MYT1L: variants seen among roughly 807,000 people sequenced by gnomAD.
MYT1L encodes myelin transcription factor 1-like protein.
MYT1L carries 12 observed loss-of-function variants against 126.7 expected under a neutral mutation model. That is an observed-to-expected ratio of 0.09 (90% CI 0.06 to 0.15). The LOEUF (loss-of-function observed/expected upper bound fraction) is 0.15, where lower values mean the gene tolerates loss of function less well. Ranked by LOEUF, MYT1L falls within the 10% of genes least tolerant of loss-of-function variation. MYT1L has a pLI of 1.00. For synonymous variants in MYT1L, 541 were observed against 604.2 expected, an observed-to-expected ratio of 0.90 and a Z score of 1.53; for missense variants, 979 against 1,585.2, an observed-to-expected ratio of 0.62 and a Z score of 6.49.
At chr2:1,986,643 C>T (rs1185054683) in intron 5 of MYT1L, among the ~76,000 whole-genome samples, 1 of 152,100 alleles carries the variant, frequency 6.6e-6, no homozygotes, top group Non-Finnish European at 1.5e-5. Flanking sequence ...AAACAGGTTG[C>T]CCAATTTACG....
intron 2 of MYT1L, among the ~76,000 whole-genome samples, chr2:2,260,251 G>A (rs1292747467): frequency 6.6e-6 from 1 of 152,248 alleles, no homozygotes; most frequent in Non-Finnish European, 1.5e-5. Flanking sequence ...GACCCCATCT[G>A]TGAAATGGGC....
intron 21 of MYT1L, among the ~76,000 whole-genome samples, chr2:1,838,785 T>C (rs1057025792): frequency 6.6e-6 from 1 of 152,138 alleles, no homozygotes; most frequent in Non-Finnish European, 1.5e-5. Context: ...CCATCCTCTT[T>C]CCCCCAATGA....
chr2:1,910,178 C>A lies in MYT1L; in HGVS notation c.1817+62G>T, dbSNP rs1003233189. On this transcript the variant is annotated intron_variant, in intron 13 of 24. Coordinates refer to ENST00000647738, the MANE Select transcript of MYT1L (RefSeq NM_001303052.2). This position sits in a 1 kb window ranked among gnomAD's most constrained non-coding sequence, Gnocchi z 4.8. Reference sequence around the variant, plus strand: ...ACATGCCCTGAGCGGGTGTCCCCAGCGCTCCGAGGTGTGGGGCAGACTATG... The same window carrying A: ...ACATGCCCTGAGCGGGTGTCCCCAGAGCTCCGAGGTGTGGGGCAGACTATG... 6.9e-7 allele frequency: 1 copy of A among 1,456,820 alleles called. No individual in the cohort carries two copies. Among genetic ancestry groups the A allele is most frequent in the East Asian group, 2.3e-5 (1 of 43,504 alleles). The allele number at this position is 1,456,820 out of a possible 1,614,324, so 90.2% of individuals were successfully genotyped here.
intron 3 of MYT1L, among the ~76,000 whole-genome samples, chr2:2,106,289 G>T (rs890331756): frequency 2.0e-5 from 3 of 152,204 alleles, no homozygotes; most frequent in African/African-American, 7.2e-5. Flanking sequence ...TGGACATTTA[G>T]TATAGCTTTA....
chr2:1,892,425 G>A lies in MYT1L; in HGVS notation c.2033-138C>T, dbSNP rs530435559. The A allele has an allele frequency of 1.4e-5, 16 of 1,182,082 alleles. No homozygotes were observed. The Admixed American group carries it at 1.5e-4, about 11-fold the overall frequency. 73.2% of individuals were successfully genotyped at this position (1,182,082 alleles called of 1,614,324 possible). On this transcript the variant is annotated intron_variant, in intron 14 of 24. Transcript: ENST00000647738. ...GCCCTCAGGGTGCTGGGGCTTACGC[G>A]TAAAGAAAACAAACAACAGGCAAAC...
chr2:2,296,970 C>T (rs1573311269), intron 1 of MYT1L, among the ~76,000 whole-genome samples: 1 of 152,148 alleles, frequency 6.6e-6, no homozygotes, highest in African/African-American at 2.4e-5. Context: ...GGGCCAACAC[C>T]CCCTTCCCAG....
At chr2:1,920,719 T>C (rs2053459128) in intron 10 of MYT1L, among the ~76,000 whole-genome samples, 1 of 152,254 alleles carries the variant, frequency 6.6e-6, no homozygotes, top group South Asian at 2.1e-4. Context: ...AAATTTCTAA[T>C]AGATAATTTT....
At chr2:2,307,111 C>A (rs1305063720) in intron 1 of MYT1L, among the ~76,000 whole-genome samples, 1 of 152,058 alleles carries the variant, frequency 6.6e-6, no homozygotes, top group African/African-American at 2.4e-5. Flanking sequence ...TAGTGTTTGG[C>A]CCAGTCCTCA....
Position 1,809,081 on chromosome 2 carries a change from C to T in MYT1L, c.3167G>A (p.Ser1056Asn). The T allele has an allele frequency of 6.2e-6, 10 of 1,613,946 alleles. No homozygotes were observed. The highest frequency in any genetic ancestry group is 8.5e-6 in the Non-Finnish European group (10 of 1,179,882). Residue 1056 changes from serine (S) to asparagine (N), a missense_variant, in exon 22 of 25, where the codon AGC becomes AAC. Transcript: ENST00000647738. ...AGGGCTGGAGGGGTGCTCACCGTTGCTGGCCCGCTGTTTGATGGTCAGCAT... is the reference window on the plus strand; with the variant it reads ...AGGGCTGGAGGGGTGCTCACCGTTGTTGGCCCGCTGTTTGATGGTCAGCAT... ...EQMLTIKQRA[S>N]NGIENDEEIK...
At chr2:2,221,684 G>C (rs1387781195) in intron 2 of MYT1L, among the ~76,000 whole-genome samples, 1 of 152,192 alleles carries the variant, frequency 6.6e-6, no homozygotes, top group Non-Finnish European at 1.5e-5. Context: ...GGCTTTTGAA[G>C]TCCAAGTTGC....
intron 18 of MYT1L, among the ~76,000 whole-genome samples, chr2:1,869,801 A>AAGTTCAGG (rs1407336884): frequency 3.3e-5 from 5 of 152,196 alleles, no homozygotes; most frequent in Non-Finnish European, 2.9e-5. Flanking sequence ...ACCAAGTACT[A>AAGTTCAGG]AGTTCAGGTT....
At chr2:2,163,466 C>G (rs2088380595) in intron 3 of MYT1L, among the ~76,000 whole-genome samples, 1 of 151,998 alleles carries the variant, frequency 6.6e-6, no homozygotes, top group African/African-American at 2.4e-5. Context: ...TGGCTCACAC[C>G]TGTAATCCCA....
At chr2:2,038,138 G>T (rs2067096371) in intron 4 of MYT1L, among the ~76,000 whole-genome samples, 1 of 152,190 alleles carries the variant, frequency 6.6e-6, no homozygotes. Context: ...GAATTAAACG[G>T]CATTATTTTA....
chr2:1,957,256 C>A (rs1028088960), intron 8 of MYT1L, among the ~76,000 whole-genome samples: 4 of 152,248 alleles, frequency 2.6e-5, no homozygotes, highest in Non-Finnish European at 5.9e-5. Context: ...ACTCTGTTAT[C>A]TTTTTTTGAA....
intron 21 of MYT1L, among the ~76,000 whole-genome samples, chr2:1,818,706 G>A (rs976352914): frequency 2.0e-5 from 3 of 152,164 alleles, no homozygotes; most frequent in African/African-American, 7.2e-5. Flanking sequence ...AAGGGCAGGA[G>A]GGTGTTCTTG....
intron 18 of MYT1L, among the ~76,000 whole-genome samples, chr2:1,868,767 C>T (rs1056749296): frequency 3.3e-5 from 5 of 152,212 alleles, no homozygotes; most frequent in African/African-American, 9.6e-5. Flanking sequence ...AGGCTCCCTC[C>T]TCCCCCCTCC....
intron 1 of MYT1L, among the ~76,000 whole-genome samples, chr2:2,313,181 G>A (rs2096003960): frequency 6.6e-6 from 1 of 152,048 alleles, no homozygotes; most frequent in Non-Finnish European, 1.5e-5. Flanking sequence ...TTTTCTCCAT[G>A]TCCTTGGCAT....
rs1309059171 is a variant in MYT1L, at chr2:2,228,675, T to C, written c.-420-55687A>G. 6.6e-6 allele frequency among the ~76,000 whole-genome samples: 1 copy of C among 152,132 alleles called. No individual in the cohort carries two copies. The highest frequency in any genetic ancestry group is 1.9e-4 in the East Asian group (1 of 5,184). Reference sequence around the variant, plus strand: ...TAAAACATTAAAATAGAACCATTTATATAACTTAGCAGGTATAAAAAGGTT... The same window carrying C: ...TAAAACATTAAAATAGAACCATTTACATAACTTAGCAGGTATAAAAAGGTT... On this transcript the variant is annotated intron_variant, in intron 2 of 24. Coordinates refer to ENST00000647738, the MANE Select transcript of MYT1L (RefSeq NM_001303052.2). This position sits in a 1 kb window ranked among gnomAD's most constrained non-coding sequence, Gnocchi z 5.9.
chr2:2,026,142 G>A (rs1489902315), intron 4 of MYT1L, among the ~76,000 whole-genome samples: 1 of 152,168 alleles, frequency 6.6e-6, no homozygotes. Flanking sequence ...ATAAAACTGT[G>A]GCCTAGGTGT....
Sources: gnomAD v4.1 joint callset for allele counts (sites outside exome capture counted in the v4.1 genomes callset) on GRCh38, gnomAD v4.1.1 for gene constraint, Gnocchi (gnomAD v3.1) non-coding constraint, MANE v1.5 for transcripts, NCBI Gene and HGNC (gene_info 2026-07-23, HGNC 2026-07-21) for gene names.